The following GDAP1L1 variants were observed in gnomAD, a reference collection of about 807,000 sequenced individuals.
GDAP1L1 encodes the protein ganglioside induced differentiation associated protein 1 like 1.
A neutral mutation model predicts 37.1 loss-of-function variants in GDAP1L1; 21 were observed. That is an observed-to-expected ratio of 0.57 (90% confidence interval 0.40 to 0.81). The LOEUF is 0.81. Ranked by LOEUF, GDAP1L1 falls within the 40% of genes least tolerant of loss-of-function variation. GDAP1L1 has a pLI of 0.00. For synonymous variants in GDAP1L1, 193 were observed against 209.1 expected, an observed-to-expected ratio of 0.92 and a Z score of 0.67; for missense variants, 362 against 491.6, an observed-to-expected ratio of 0.74 and a Z score of 2.49.
intron 5 of GDAP1L1, among the ~76,000 whole-genome samples, chr20:44,276,429 A>AAAGAAAGAAAGAAAGAAAGAAAGT (rs2062578742): frequency 7.1e-6 from 1 of 141,240 alleles, no homozygotes; most frequent in African/African-American, 2.6e-5. Context: ...AGAAAGAAAG[A>AAAGAAAGAAAGAAAGAAAGAAAGT]AAGAAAGAAA....
Position 44,278,945 on chromosome 20 carries a change from C to T in GDAP1L1, c.761-12C>T. The T allele has an allele frequency of 6.3e-7, 1 of 1,592,140 alleles. No homozygotes were observed. Among genetic ancestry groups the T allele is most frequent in the Non-Finnish European group, 8.6e-7 (1 of 1,162,902 alleles). ...AGGCTGATCCCCTTGCCTCCTCTTT[C>T]TTCCACTCTAGGGCAGAAATGCGAG... On this transcript the variant is annotated splice_polypyrimidine_tract_variant and intron_variant, in intron 5 of 5. Transcript: ENST00000342560.
Position 44,264,509 on chromosome 20 carries a change from T to C in GDAP1L1, c.710T>C (p.Val237Ala). ...AAGATCCTCGGGGAACTGGCCATGG[T>C]GCTGGACCAGATTGAGGCGGAGCTG... ...LKKILGELAM[V>A]LDQIEAELEK... Residue 237 changes from valine to alanine, a missense_variant, in exon 5 of 6, where the codon GTG becomes GCG. By Grantham distance (64) the Val-to-Ala change is moderately conservative. This residue lies in a region of GDAP1L1 where 277 missense variants were observed against 337.1 expected (regional missense o/e 0.82). Transcript: ENST00000342560. 1 of 1,596,058 alleles carries C rather than the reference T, an allele frequency of 6.3e-7. No homozygotes were observed. Among genetic ancestry groups the C allele is most frequent in the Non-Finnish European group, 8.5e-7 (1 of 1,170,738 alleles).
chr20:44,270,629 G>A (rs985774246), intron 5 of GDAP1L1, among the ~76,000 whole-genome samples: 71 of 152,296 alleles, frequency 4.7e-4, no homozygotes, highest in African/African-American at 1.6e-3. Flanking sequence ...GACTGGGGCC[G>A]GAGGATCCAC....
Position 44,251,868 on chromosome 20 carries a change from T to C in GDAP1L1, c.180+4354T>C, listed in dbSNP as rs1295630692. On this transcript the variant is annotated intron_variant, in intron 1 of 5. Transcript: ENST00000342560. ...AGAACGAAAACCAATCGTATTGAAG[T>C]ACGGCGTTATATAATAATATTTATG... 6.4e-4 allele frequency among the ~76,000 whole-genome samples: 97 copies of C among 152,248 alleles called. 1 individual carries two copies. Among genetic ancestry groups the C allele is most frequent in the Non-Finnish European group, 7.3e-5 (5 of 68,044 alleles).
chr20:44,256,555 G>A (rs535536327), intron 1 of GDAP1L1, among the ~76,000 whole-genome samples: 6 of 152,118 alleles, frequency 3.9e-5, no homozygotes, highest in Middle Eastern at 6.8e-3. Context: ...CTGTAGTCGG[G>A]AGGCTGAGGC....
At chr20:44,274,410 A>G (rs2062551794) in intron 5 of GDAP1L1, among the ~76,000 whole-genome samples, 2 of 152,130 alleles carry the variant, frequency 1.3e-5, no homozygotes, top group Non-Finnish European at 1.5e-5. Flanking sequence ...TTTGTTCACC[A>G]TCTCCAATTC....
At chr20:44,255,457 G>T (rs1445834520) in intron 1 of GDAP1L1, among the ~76,000 whole-genome samples, 1 of 143,052 alleles carries the variant, frequency 7.0e-6, no homozygotes, top group Admixed American at 7.3e-5. Context: ...TAGGAGAATC[G>T]CTTGAACCCA....
intron 1 of GDAP1L1, among the ~76,000 whole-genome samples, chr20:44,253,582 C>T (rs1021885488): frequency 2.0e-5 from 3 of 152,212 alleles, no homozygotes; most frequent in African/African-American, 7.2e-5. Context: ...GGGTGATTTT[C>T]AGGCACCAAC....
At chr20:44,260,510 G>A (rs75228408) in intron 3 of GDAP1L1, among the ~76,000 whole-genome samples, 2,261 of 152,184 alleles carry the variant, frequency 0.015, 23 homozygotes, top group South Asian at 0.055. Context: ...CAATATACAT[G>A]TATATCCTGC....
At chr20:44,250,036 C>G (rs2073409368) in intron 1 of GDAP1L1, among the ~76,000 whole-genome samples, 1 of 152,232 alleles carries the variant, frequency 6.6e-6, no homozygotes, top group Admixed American at 6.5e-5. Context: ...TTTCTTCCTT[C>G]TCTCCAATCC....
rs1408972863 is a variant in GDAP1L1, at chr20:44,278,958, G to T, written c.762G>T (p.Gly254=). The change falls in exon 6 of 6, where the codon GGG becomes GGT. Residue 254 remains glycine (G), a splice_region_variant and synonymous_variant. Coordinates refer to ENST00000342560, the MANE Select transcript of GDAP1L1 (RefSeq NM_024034.6). ...ELEKRKLENE[G]QKCELWLCGC... ...TGCCTCCTCTTTCTTCCACTCTAGG[G>T]CAGAAATGCGAGCTGTGGCTCTGTG... The T allele has an allele frequency of 8.7e-6, 14 of 1,608,636 alleles. No homozygotes were observed. The highest frequency in any genetic ancestry group is 1.2e-5 in the Non-Finnish European group (14 of 1,175,964).
At chr20:44,259,577 C>T (rs1305255711) in intron 3 of GDAP1L1, among the ~76,000 whole-genome samples, 2 of 150,206 alleles carry the variant, frequency 1.3e-5, no homozygotes, top group African/African-American at 4.9e-5. Context: ...CTCACTGCAA[C>T]CTCCTCTGCC....
Position 44,260,184 on chromosome 20 carries a change from G to A in GDAP1L1, c.547+1577G>A, listed in dbSNP as rs116254318. 7.5e-3 allele frequency among the ~76,000 whole-genome samples: 1,136 copies of A among 151,958 alleles called. 19 individuals are homozygous for A. The highest frequency in any genetic ancestry group is 0.026 in the African/African-American group (1,090 of 41,412). ...TTGGGAACTGGGTAAATAAGTTATGGGTACTTCCATACAACGGAATACTGT... is the reference window on the plus strand; with the variant it reads ...TTGGGAACTGGGTAAATAAGTTATGAGTACTTCCATACAACGGAATACTGT... On this transcript the variant is annotated intron_variant, in intron 3 of 5. Coordinates refer to ENST00000342560, the MANE Select transcript of GDAP1L1 (RefSeq NM_024034.6).
In GDAP1L1 at chr20:44,279,425, A is replaced by G; in HGVS notation, c.*125A>G. ...CCCTCCCCGCCCTTCGTTCTGAGTA[A>G]TAATACCGTCAGTGTGAAAACATTC... is the stretch of plus-strand genomic sequence containing the variant. On this transcript the variant is annotated 3_prime_UTR_variant, in exon 6 of 6. Coordinates refer to ENST00000342560, the MANE Select transcript of GDAP1L1 (RefSeq NM_024034.6). 4 of 727,628 alleles carry G rather than the reference A, an allele frequency of 5.5e-6. No individual in the cohort carries two copies. The highest frequency in any genetic ancestry group is 4.7e-5 in the South Asian group (3 of 64,346). The allele number at this position is 727,628 out of a possible 1,614,324, so 45.1% of individuals were successfully genotyped here.
intron 5 of GDAP1L1, among the ~76,000 whole-genome samples, chr20:44,266,751 C>T (rs1246818680): frequency 1.3e-5 from 2 of 152,028 alleles, no homozygotes; most frequent in Non-Finnish European, 2.9e-5. Context: ...CCTATAAATA[C>T]TTTAGTCTGA....
intron 1 of GDAP1L1, among the ~76,000 whole-genome samples, chr20:44,252,073 T>A (rs927636072): frequency 6.6e-6 from 1 of 152,224 alleles, no homozygotes; most frequent in Non-Finnish European, 1.5e-5. Context: ...TACCCTACTT[T>A]ATCGCCTACA....
intron 5 of GDAP1L1, chr20:44,265,411 G>A (rs1310880406): frequency 2.4e-5 from 24 of 985,306 alleles, no homozygotes; most frequent in Admixed American, 6.1e-5. Context: ...CCTGTGATGA[G>A]TCTTGTCTCC....
In GDAP1L1 at chr20:44,277,018, T is replaced by C. The variant is rs1489013956; in HGVS notation, c.761-1939T>C. 2.0e-5 allele frequency among the ~76,000 whole-genome samples: 3 copies of C among 151,898 alleles called. No individual in the cohort carries two copies. The East Asian group carries it at 5.8e-4, about 29-fold the overall frequency. On this transcript the variant is annotated intron_variant, in intron 5 of 5. Coordinates refer to ENST00000342560, the MANE Select transcript of GDAP1L1 (RefSeq NM_024034.6). ...AAACTTCCATTTTATTTTTTTAATTTTTATTTATTTATTTATTTATTTCGA... is the reference window on the plus strand; with the variant it reads ...AAACTTCCATTTTATTTTTTTAATTCTTATTTATTTATTTATTTATTTCGA...
chr20:44,277,957 C>A (rs1037087570), intron 5 of GDAP1L1, among the ~76,000 whole-genome samples: 3 of 152,018 alleles, frequency 2.0e-5, no homozygotes, highest in Admixed American at 1.3e-4. Flanking sequence ...AGTTCAAGAC[C>A]AGCCTGGCCA....
Sources: allele counts gnomAD v4.1 joint callset (sites outside exome capture counted in the v4.1 genomes callset), GRCh38; gene constraint gnomAD v4.1.1; regional missense constraint gnomAD v4.1.1; transcripts MANE v1.5; gene names NCBI Gene and HGNC (gene_info 2026-07-23, HGNC 2026-07-21).